The following PCDH15 variants were observed in gnomAD, a reference collection of about 807,000 sequenced individuals.
PCDH15 encodes protocadherin related 15, also known as protocadherin-15.
Under a neutral mutation model 178.5 loss-of-function variants are expected in PCDH15, and 129 were observed. The ratio of observed to expected loss-of-function variants is 0.72; its 90% CI spans 0.63 to 0.84. The LOEUF (loss-of-function observed/expected upper bound fraction) is 0.84. PCDH15 is among the 40% of genes least tolerant of loss of function. The pLI is 0.00. For missense variants in PCDH15, 2,230 were observed against 2,099.9 expected, an observed-to-expected ratio of 1.06 and a Z score of -1.21; for synonymous variants, 800 against 732.0, an observed-to-expected ratio of 1.09 and a Z score of -1.50.
intron 9 of PCDH15, among the ~76,000 whole-genome samples, chr10:54,231,855 TG>T (rs1039207732): frequency 6.6e-6 from 1 of 152,208 alleles, no homozygotes; most frequent in African/African-American, 2.4e-5. Context: ...TCTCCTTTTT[TG>T]GAATGGGTGT....
At chr10:54,653,162 T>C (rs866511414) in intron 2 of PCDH15, among the ~76,000 whole-genome samples, 3 of 152,224 alleles carry the variant, frequency 2.0e-5, no homozygotes, top group African/African-American at 7.2e-5. Flanking sequence ...TCTGATAACA[T>C]ATAGGTTAAG....
chr10:54,680,435 C>T (rs1393055179), intron 1 of PCDH15, among the ~76,000 whole-genome samples: 6 of 151,988 alleles, frequency 3.9e-5, no homozygotes, highest in African/African-American at 1.5e-4. Context: ...AAATGTATTG[C>T]TTCACAAAGT....
intron 3 of PCDH15, among the ~76,000 whole-genome samples, chr10:54,521,134 G>A (rs1482094940): frequency 6.6e-6 from 1 of 151,730 alleles, no homozygotes; most frequent in Non-Finnish European, 1.5e-5. Flanking sequence ...AATGGGTGCA[G>A]TACACCAACA....
chr10:54,992,928 T>A (rs1839538872), intron 2 of PCDH15, among the ~76,000 whole-genome samples: 1 of 152,190 alleles, frequency 6.6e-6, no homozygotes, highest in African/African-American at 2.4e-5. Context: ...TACTAAAAGA[T>A]AATGTTTGCT....
chr10:55,331,003 G>C (rs1368433392), intron 2 of PCDH15, among the ~76,000 whole-genome samples: 2 of 151,890 alleles, frequency 1.3e-5, no homozygotes, highest in East Asian at 3.9e-4. Context: ...ATATTATTTA[G>C]TAAAATTATG....
chr10:54,685,312 AACTT>A (rs1364252508), intron 1 of PCDH15, among the ~76,000 whole-genome samples: 1 of 152,162 alleles, frequency 6.6e-6, no homozygotes, highest in Non-Finnish European at 1.5e-5. Flanking sequence ...ATAACAATAA[AACTT>A]ACAGTATTGT....
chr10:54,506,106 A>T (rs982765253), intron 3 of PCDH15, among the ~76,000 whole-genome samples: 6 of 152,164 alleles, frequency 3.9e-5, no homozygotes, highest in Non-Finnish European at 7.4e-5. Flanking sequence ...TCAAATGCAC[A>T]GTTCATGAAT....
intron 1 of PCDH15, among the ~76,000 whole-genome samples, chr10:55,286,652 C>T (rs1016250955): frequency 1.1e-4 from 16 of 151,928 alleles, no homozygotes; most frequent in African/African-American, 3.4e-4. Flanking sequence ...TATTTTAAAA[C>T]TTGGCCAAGT....
At chr10:55,180,471 A>G (rs1839617245) in intron 1 of PCDH15, among the ~76,000 whole-genome samples, 1 of 152,142 alleles carries the variant, frequency 6.6e-6, no homozygotes, top group African/African-American at 2.4e-5. Flanking sequence ...AATAGTTAAG[A>G]AGCTATTGTA....
At chr10:55,536,324 A>G (rs552386944) in intron 2 of PCDH15, among the ~76,000 whole-genome samples, 1 of 152,196 alleles carries the variant, frequency 6.6e-6, no homozygotes, top group South Asian at 2.1e-4. Flanking sequence ...AGCACACATT[A>G]TGCTCCAAAA....
At chr10:55,140,235 G>A (rs534417567) in intron 2 of PCDH15, among the ~76,000 whole-genome samples, 1 of 151,794 alleles carries the variant, frequency 6.6e-6, no homozygotes, top group South Asian at 2.1e-4. Flanking sequence ...ATGGCTTATT[G>A]CACTAGCTAG....
chr10:54,281,443 G>GT (rs749503247), intron 8 of PCDH15, among the ~76,000 whole-genome samples: 10 of 151,736 alleles, frequency 6.6e-5, no homozygotes, highest in African/African-American at 9.7e-5. Flanking sequence ...TTTTTGCAAA[G>GT]CCTAATTAAA....
chr10:55,020,812 A>T (rs1840308866), intron 2 of PCDH15, among the ~76,000 whole-genome samples: 1 of 152,200 alleles, frequency 6.6e-6, no homozygotes, highest in South Asian at 2.1e-4. Context: ...ATGACAATGT[A>T]AATTGATGCC....
At chr10:55,422,197 T>G (rs191183576) in intron 2 of PCDH15, among the ~76,000 whole-genome samples, 64 of 152,004 alleles carry the variant, frequency 4.2e-4, no homozygotes, top group African/African-American at 1.5e-3. Context: ...CTGGACGTTT[T>G]CAGATTATAG....
At position 53,806,483 on chromosome 10, in the gene PCDH15, T is replaced by C. The variant is rs1458642404; in HGVS notation, c.*96A>G. ...TCAAAGTTTTAGCTTGTGTGCATGA[T>C]ATAAATTCCATACATTGTTTTCTCA... On this transcript the variant is annotated 3_prime_UTR_variant, in exon 38 of 38. Coordinates refer to ENST00000644397, the MANE Select transcript of PCDH15 (RefSeq NM_001384140.1). The C allele has an allele frequency of 1.9e-6, 2 of 1,079,088 alleles. No individual in the cohort carries two copies. Among genetic ancestry groups the C allele is most frequent in the Non-Finnish European group, 1.3e-6 (1 of 762,224 alleles). The allele number at this position is 1,079,088 out of a possible 1,614,324, so 66.8% of individuals were successfully genotyped here.
At chr10:55,098,895 TGA>T (rs10535301) in intron 2 of PCDH15, among the ~76,000 whole-genome samples, 11,578 of 119,950 alleles carry the variant, frequency 0.097, 742 homozygotes, top group East Asian at 0.21. Context: ...AAAACTTCAA[TGA>T]GAGAGAGAGA....
chr10:53,954,636 G>A (rs2087432511), intron 23 of PCDH15, among the ~76,000 whole-genome samples: 1 of 152,144 alleles, frequency 6.6e-6, no homozygotes, highest in Admixed American at 6.5e-5. Flanking sequence ...ACTGGAGAAA[G>A]TAATTCATTG....
At chr10:54,236,330 T>A (rs1275562799) in intron 9 of PCDH15, among the ~76,000 whole-genome samples, 2 of 152,158 alleles carry the variant, frequency 1.3e-5, no homozygotes, top group Non-Finnish European at 2.9e-5. Context: ...GAAAAATATT[T>A]ACCAAAGGTT....
chr10:53,889,014 C>A (rs1463153020), intron 26 of PCDH15, among the ~76,000 whole-genome samples: 1 of 150,086 alleles, frequency 6.7e-6, no homozygotes, highest in South Asian at 2.1e-4. Flanking sequence ...AATTAAATAT[C>A]CACATGGGAA....
Sources: allele counts gnomAD v4.1 joint callset (sites outside exome capture counted in the v4.1 genomes callset), GRCh38; gene constraint gnomAD v4.1.1; transcripts MANE v1.5; gene names NCBI Gene and HGNC (gene_info 2026-07-23, HGNC 2026-07-21).